The following ATRNL1 variants were observed in gnomAD, a reference collection of about 807,000 sequenced individuals.
The protein encoded by ATRNL1 is attractin like 1.
Under a neutral mutation model 182.7 loss-of-function variants are expected in ATRNL1, and 95 were observed. The observed-to-expected ratio is 0.52, with a 90% CI of 0.44 to 0.62. The LOEUF is 0.62. Among genes scored for constraint, ATRNL1 ranks in the 20% least tolerant of loss-of-function variants. The probability of loss-of-function intolerance (pLI) is 0.00; values close to 1 mark genes in which losing one functional copy is unlikely to be tolerated. For synonymous variants in ATRNL1, 576 were observed against 568.3 expected (o/e 1.01, Z -0.19); for missense variants, 1,471 against 1,679.5 (o/e 0.88, Z 2.17).
At chr10:115,802,929 A>G (rs1443240807) in intron 27 of ATRNL1, among the ~76,000 whole-genome samples, 5 of 152,198 alleles carry the variant, frequency 3.3e-5, no homozygotes, top group African/African-American at 1.2e-4. Flanking sequence ...TGACAGGCAA[A>G]AAGAATATAT....
At chr10:115,943,329 A>G (rs1236930843) in intron 28 of ATRNL1, among the ~76,000 whole-genome samples, 3 of 152,234 alleles carry the variant, frequency 2.0e-5, no homozygotes, top group Admixed American at 6.5e-5. Context: ...CAACAGTAAG[A>G]CAACAAACAA....
chr10:115,682,393 C>G (rs1285581789), intron 26 of ATRNL1, among the ~76,000 whole-genome samples: 1 of 152,008 alleles, frequency 6.6e-6, no homozygotes, highest in Non-Finnish European at 1.5e-5. Context: ...CAAAAATTAG[C>G]TGGCATTGTG....
chr10:115,777,402 CAA>C (rs1949154300), intron 27 of ATRNL1, among the ~76,000 whole-genome samples: 1 of 151,822 alleles, frequency 6.6e-6, no homozygotes, highest in Non-Finnish European at 1.5e-5. Context: ...ACTAAAATAT[CAA>C]GTTATTGATA....
At chr10:115,651,898 A>G (rs1860032437) in intron 26 of ATRNL1, among the ~76,000 whole-genome samples, 1 of 152,158 alleles carries the variant, frequency 6.6e-6, no homozygotes, top group Non-Finnish European at 1.5e-5. Context: ...GTAATTGGCC[A>G]ACTAAAAGAT....
intron 27 of ATRNL1, among the ~76,000 whole-genome samples, chr10:115,755,550 A>G (rs906426848): frequency 1.3e-5 from 2 of 152,102 alleles, no homozygotes; most frequent in East Asian, 3.9e-4. Context: ...GCTTTTTGAT[A>G]CGCTGCTGGA....
Position 115,171,117 on chromosome 10 carries a change from TAGTC to T in ATRNL1, c.1179_1182del (p.Gln393HisfsTer35), listed in dbSNP as rs781959367. 15 of 1,605,972 alleles carry T rather than the reference TAGTC, an allele frequency of 9.3e-6. No individual in the cohort carries two copies. Among genetic ancestry groups the T allele is most frequent in the Admixed American group, 1.7e-5 (1 of 59,538 alleles). On this transcript the variant is annotated frameshift_variant, in exon 8 of 29. Transcript: ENST00000355044. LOFTEE classifies it high-confidence loss of function. ...ATGAATTATGGGTTTTTAACATACATAGTCAGTCATGGAGTACAAAAACTCCTAC... is the reference window on the plus strand; with the variant it reads ...ATGAATTATGGGTTTTTAACATACATAGTCATGGAGTACAAAAACTCCTAC...
chr10:115,288,446 T>C (rs1207105492), intron 15 of ATRNL1, among the ~76,000 whole-genome samples: 1 of 152,178 alleles, frequency 6.6e-6, no homozygotes, highest in Non-Finnish European at 1.5e-5. Flanking sequence ...TTGTGGTTTT[T>C]ATTTTTGTTT....
intron 9 of ATRNL1, among the ~76,000 whole-genome samples, chr10:115,238,730 C>T (rs1850287785): frequency 6.6e-6 from 1 of 152,138 alleles, no homozygotes; most frequent in East Asian, 1.9e-4. Flanking sequence ...ATCTGTATAT[C>T]TTTTATTTCA....
chr10:115,791,771 A>T (rs1949537524), intron 27 of ATRNL1, among the ~76,000 whole-genome samples: 1 of 152,118 alleles, frequency 6.6e-6, no homozygotes, highest in Non-Finnish European at 1.5e-5. Context: ...TACCACTACT[A>T]GATGTTTAGA....
chr10:115,132,295 G>A (rs1279335075), intron 5 of ATRNL1, among the ~76,000 whole-genome samples: 3 of 152,130 alleles, frequency 2.0e-5, no homozygotes, highest in African/African-American at 7.2e-5. Flanking sequence ...ATTCCATGGT[G>A]TATTTGTGCC....
chr10:115,156,693 T>G (rs1290242867), intron 5 of ATRNL1, among the ~76,000 whole-genome samples: 2 of 152,132 alleles, frequency 1.3e-5, no homozygotes, highest in Non-Finnish European at 2.9e-5. Context: ...ATAAGGTGAA[T>G]TTGTTTATTA....
At chr10:115,553,793 T>C (rs1853146771) in intron 26 of ATRNL1, among the ~76,000 whole-genome samples, 1 of 151,450 alleles carries the variant, frequency 6.6e-6, no homozygotes, top group African/African-American at 2.4e-5. Flanking sequence ...AATATTAAAC[T>C]GTACTTTAAT....
chr10:115,690,701 G>A (rs1285519101), intron 26 of ATRNL1, among the ~76,000 whole-genome samples: 3 of 152,162 alleles, frequency 2.0e-5, no homozygotes, highest in African/African-American at 4.8e-5. Flanking sequence ...ATGATTCCCA[G>A]GGCAAGATGC....
intron 28 of ATRNL1, 30 bp downstream of exon 28, chr10:115,848,021 A>C (rs782793524): frequency 8.0e-7 from 1 of 1,244,144 alleles, no homozygotes; most frequent in Admixed American, 1.7e-5. Flanking sequence ...TTCAGCAGTT[A>C]AGCAAAACTT....
At chr10:115,303,519 C>T (rs1554925314) in intron 17 of ATRNL1, among the ~76,000 whole-genome samples, 4 of 152,266 alleles carry the variant, frequency 2.6e-5, no homozygotes, top group African/African-American at 4.8e-5. Flanking sequence ...CCGCGCCCGG[C>T]CGGTATCCAA....
intron 10 of ATRNL1, among the ~76,000 whole-genome samples, chr10:115,263,611 A>G (rs1323469063): frequency 6.6e-6 from 1 of 151,796 alleles, no homozygotes; most frequent in Non-Finnish European, 1.5e-5. Flanking sequence ...AAGATATGCG[A>G]TGAAAACACT....
intron 27 of ATRNL1, among the ~76,000 whole-genome samples, chr10:115,827,618 G>A (rs894244625): frequency 1.3e-5 from 2 of 152,104 alleles, no homozygotes; most frequent in Admixed American, 1.3e-4. Context: ...ATGGACAAAA[G>A]AATTCTAACA....
At chr10:115,406,424 A>T (rs1260435114) in intron 20 of ATRNL1, among the ~76,000 whole-genome samples, 1 of 152,010 alleles carries the variant, frequency 6.6e-6, no homozygotes, top group Non-Finnish European at 1.5e-5. Context: ...TCATATTTTC[A>T]ACTTTGGAAA....
intron 8 of ATRNL1, among the ~76,000 whole-genome samples, chr10:115,177,908 TTTTGTTTTTTTTTTTG>T (rs1847586887): frequency 7.2e-6 from 1 of 139,532 alleles, no homozygotes; most frequent in African/African-American, 2.8e-5. Flanking sequence ...TTTTTGTTTT[TTTTGTTTTTTTTTTTG>T]TTTTTTTTTT....
Sources: gnomAD v4.1 joint callset for allele counts (sites outside exome capture counted in the v4.1 genomes callset) on GRCh38, gnomAD v4.1.1 for gene constraint, MANE v1.5 for transcripts, NCBI Gene and HGNC (gene_info 2026-07-23, HGNC 2026-07-21) for gene names.